IFT88: variants seen among roughly 807,000 people sequenced by gnomAD.
The protein encoded by IFT88 is intraflagellar transport 88.
A neutral mutation model predicts 119.5 loss-of-function variants in IFT88; 74 were observed. That is an observed-to-expected ratio of 0.62 (90% CI 0.51 to 0.75). The LOEUF (loss-of-function observed/expected upper bound fraction) is 0.75, where lower values mean the gene tolerates loss of function less well. Among genes scored for constraint, IFT88 ranks in the 30% least tolerant of loss-of-function variants. The probability of loss-of-function intolerance (pLI) is 0.00; values close to 1 mark genes in which losing one functional copy is unlikely to be tolerated. For synonymous variants in IFT88, 279 were observed against 316.7 expected (o/e 0.88, Z 1.26); for missense variants, 961 against 977.7 (o/e 0.98, Z 0.23).
intron 13 of IFT88, among the ~76,000 whole-genome samples, chr13:20,613,516 A>T (rs949809440): frequency 2.0e-5 from 3 of 152,182 alleles, no homozygotes; most frequent in African/African-American, 7.2e-5. Context: ...AAAACAGCAT[A>T]CAAGTGCCCC....
At chr13:20,689,954 A>T (rs2058322011) in intron 24 of IFT88, among the ~76,000 whole-genome samples, 1 of 152,178 alleles carries the variant, frequency 6.6e-6, no homozygotes, top group Admixed American at 6.5e-5. Flanking sequence ...AAAGAGCTTT[A>T]TTTTCCCGTA....
chr13:20,591,265 T>G (rs973697151), intron 5 of IFT88, among the ~76,000 whole-genome samples: 1 of 152,192 alleles, frequency 6.6e-6, no homozygotes, highest in Non-Finnish European at 1.5e-5. Context: ...ATAGAACTGA[T>G]AATTGCTTAT....
At chr13:20,591,571 G>A in intron 5 of IFT88, 47 bp from the exon 6 acceptor site, 4 of 1,408,600 alleles carry the variant, frequency 2.8e-6, no homozygotes, top group African/African-American at 1.4e-5. Flanking sequence ...ACTGTACATA[G>A]GAGATAGATC....
intron 8 of IFT88, 70 bp from the exon 9 acceptor site, chr13:20,596,945 A>C: frequency 1.3e-6 from 1 of 783,190 alleles, no homozygotes; most frequent in Non-Finnish European, 2.0e-6. Context: ...ACCTTCATGT[A>C]GATATTTCTC....
intron 8 of IFT88, among the ~76,000 whole-genome samples, 180 bp from the exon 9 acceptor site, chr13:20,596,835 G>A (rs923337952): frequency 5.3e-5 from 8 of 151,796 alleles, no homozygotes; most frequent in East Asian, 1.9e-4. Context: ...GGCTTTTTTT[G>A]TCATTCTAAA....
At chr13:20,669,717 C>A (rs988190511) in intron 23 of IFT88, among the ~76,000 whole-genome samples, 1 of 152,154 alleles carries the variant, frequency 6.6e-6, no homozygotes, top group Admixed American at 6.5e-5. Flanking sequence ...AGCCACCACA[C>A]CGGGCCTATT....
At chr13:20,576,435 T>A (rs1159980848) in intron 2 of IFT88, among the ~76,000 whole-genome samples, 1 of 152,186 alleles carries the variant, frequency 6.6e-6, no homozygotes, top group African/African-American at 2.4e-5. Flanking sequence ...TCAATAAATC[T>A]TTGCCCAGTC....
rs190640936 is a variant in IFT88, at chr13:20,590,834, G to A, written c.211-133G>A. ...ATAGTTTTATGGTTTTACCCTATAC[G>A]CCCAGGAGGTACAAGGAATAAATTA... is the stretch of plus-strand genomic sequence containing the variant. On this transcript the variant is annotated intron_variant, in intron 4 of 25. Transcript: ENST00000351808. 142 of 618,806 alleles carry A rather than the reference G, an allele frequency of 2.3e-4. 1 individual carries two copies. The highest frequency in any genetic ancestry group is 1.3e-3 in the African/African-American group (67 of 53,556). The allele number at this position is 618,806 out of a possible 1,614,324, so 38.3% of individuals were successfully genotyped here. A position where few individuals can be genotyped will look rare whatever the true frequency, so the allele number is the denominator to read the frequency against.
intron 24 of IFT88, among the ~76,000 whole-genome samples, chr13:20,689,228 G>A (rs191044638): frequency 7.7e-4 from 117 of 152,232 alleles, no homozygotes; most frequent in African/African-American, 2.8e-3. Context: ...CACCGTGCCC[G>A]GCCCCAGGTT....
At chr13:20,590,766 T>C (rs565684171) in intron 4 of IFT88, among the ~76,000 whole-genome samples, 1 of 152,328 alleles carries the variant, frequency 6.6e-6, no homozygotes, top group Admixed American at 6.5e-5. Flanking sequence ...AGTAAAACTT[T>C]ATTTACAAAG....
At position 20,656,509 on chromosome 13, in the gene IFT88, C is replaced by A. The variant is rs919105851; in HGVS notation, c.2068+79C>A. 5.1e-6 allele frequency: 3 copies of A among 584,430 alleles called. No homozygotes were observed. The African/African-American group carries it at 5.8e-5, about 11-fold the overall frequency. 36.2% of individuals were successfully genotyped at this position (584,430 alleles called of 1,614,324 possible). ...TTCTAATATATAATTACCTTTGCTA[C>A]AGTAATTGTATACGTAAATACCAAC... On this transcript the variant is annotated intron_variant, in intron 22 of 25. Coordinates refer to ENST00000351808, the MANE Select transcript of IFT88 (RefSeq NM_006531.5).
intron 1 of IFT88, 57 bp from the exon 2 acceptor site, chr13:20,574,323 A>AATAT: frequency 2.2e-6 from 2 of 916,950 alleles, no homozygotes; most frequent in Middle Eastern, 2.9e-4. Flanking sequence ...TATCTCAAAA[A>AATAT]ATATATATAT....
rs143230819 is a variant in IFT88, at chr13:20,629,255, A to C, written c.1300-1761A>C. On this transcript the variant is annotated intron_variant, in intron 15 of 25. Transcript: ENST00000351808. ...CAGCTTATAAAACCTAGAGATTCAA[A>C]ACAGTGGTGGCTTTTATATTAATAG... Among the ~76,000 whole-genome samples, 325 of 152,288 alleles carry C rather than the reference A, an allele frequency of 2.1e-3. 1 individual carries two copies. Among genetic ancestry groups the C allele is most frequent in the African/African-American group, 7.0e-3 (292 of 41,572 alleles).
chr13:20,604,156 G>A (rs2043043333), intron 12 of IFT88, among the ~76,000 whole-genome samples: 1 of 152,140 alleles, frequency 6.6e-6, no homozygotes, highest in Non-Finnish European at 1.5e-5. Context: ...TGGGAAGATG[G>A]CTTGAGCCCA....
intron 7 of IFT88, among the ~76,000 whole-genome samples, chr13:20,595,291 T>C (rs565295875): frequency 1.6e-4 from 25 of 152,206 alleles, no homozygotes; most frequent in African/African-American, 6.0e-4. Context: ...TATTTTTTTT[T>C]ATTTTTTTGA....
intron 14 of IFT88, among the ~76,000 whole-genome samples, chr13:20,616,453 T>C (rs1390364980): frequency 6.6e-6 from 1 of 152,234 alleles, no homozygotes; most frequent in Admixed American, 6.5e-5. Context: ...GATTTAGATA[T>C]ACAAATACTT....
At chr13:20,594,611 G>A (rs2138825325) in intron 7 of IFT88, among the ~76,000 whole-genome samples, 1 of 152,238 alleles carries the variant, frequency 6.6e-6, no homozygotes, top group African/African-American at 2.4e-5. Flanking sequence ...AGATTTTTAA[G>A]TTTAAAATTC....
At position 20,676,322 on chromosome 13, in the gene IFT88, CAG is replaced by C. The variant is rs577430482; in HGVS notation, c.2242+5284_2242+5285del. Reference sequence around the variant, plus strand: ...CTCATCAGTAAAATGAGACTGAAAACAGTACCTTCCTGATAGGGTTGCTGAGG... The same window carrying C: ...CTCATCAGTAAAATGAGACTGAAAACTACCTTCCTGATAGGGTTGCTGAGG... On this transcript the variant is annotated intron_variant, in intron 24 of 25. Transcript: ENST00000351808. Among the ~76,000 whole-genome samples, 233 of 152,304 alleles carry C rather than the reference CAG, an allele frequency of 1.5e-3. 1 individual carries two copies. Among genetic ancestry groups the C allele is most frequent in the African/African-American group, 5.4e-3 (226 of 41,560 alleles).
intron 24 of IFT88, among the ~76,000 whole-genome samples, chr13:20,685,713 C>T (rs1402761255): frequency 6.6e-6 from 1 of 152,290 alleles, no homozygotes; most frequent in Admixed American, 6.5e-5. Flanking sequence ...GACCCTGACT[C>T]TACTAAAAAT....
Sources: gnomAD v4.1 joint callset for allele counts (sites outside exome capture counted in the v4.1 genomes callset) on GRCh38, gnomAD v4.1.1 for gene constraint, MANE v1.5 for transcripts, NCBI Gene and HGNC (gene_info 2026-07-23, HGNC 2026-07-21) for gene names.